Variants in BMP7 observed in about 807,000 individuals in gnomAD.
BMP7 encodes bone morphogenetic protein 7.
Under a neutral mutation model 41.2 loss-of-function variants are expected in BMP7, and 12 were observed. That is an observed-to-expected ratio of 0.29 (90% CI 0.19 to 0.47). The LOEUF (loss-of-function observed/expected upper bound fraction) is 0.47. BMP7 is among the 20% of genes least tolerant of loss of function. The pLI, the probability that BMP7 is intolerant of heterozygous loss-of-function variation, is 0.99. For synonymous variants in BMP7, 248 were observed against 250.0 expected, an observed-to-expected ratio of 0.99 and a Z score of 0.07; for missense variants, 467 against 606.0, an observed-to-expected ratio of 0.77 and a Z score of 2.41.
chr20:57,214,562 C>T lies in BMP7; in HGVS notation c.612-11939G>A, dbSNP rs981079128. On this transcript the variant is annotated intron_variant, in intron 2 of 6. Transcript: ENST00000395863. This position sits in a 1 kb window ranked among gnomAD's most constrained non-coding sequence, Gnocchi z 4.0. ...TCCCACCCAGCCCTCCTCATCTGTG[C>T]CAGTCTCCAGCCCACCACAGCCCCT... Among the ~76,000 whole-genome samples, 2 of 151,916 alleles carry T rather than the reference C, an allele frequency of 1.3e-5. No homozygotes were observed. Among genetic ancestry groups the T allele is most frequent in the Non-Finnish European group, 2.9e-5 (2 of 67,950 alleles).
chr20:57,196,020 C>A (rs1984483143), intron 3 of BMP7, among the ~76,000 whole-genome samples: 1 of 152,266 alleles, frequency 6.6e-6, no homozygotes, highest in African/African-American at 2.4e-5. Flanking sequence ...CAGACAAGGG[C>A]TCCCCGATCA....
chr20:57,212,882 G>A (rs968869642), intron 2 of BMP7, among the ~76,000 whole-genome samples: 7 of 152,206 alleles, frequency 4.6e-5, no homozygotes, highest in African/African-American at 1.7e-4. Flanking sequence ...CCGGGCCCCA[G>A]GCTCCCCCAC....
chr20:57,199,971 T>C (rs1984584087), intron 3 of BMP7, among the ~76,000 whole-genome samples: 1 of 152,126 alleles, frequency 6.6e-6, no homozygotes, highest in Admixed American at 6.5e-5. Context: ...GATCTGACTC[T>C]AGATAGCAAC....
intron 1 of BMP7, among the ~76,000 whole-genome samples, chr20:57,253,819 C>G (rs6025467): frequency 0.044 from 6,680 of 152,038 alleles, 477 homozygotes; most frequent in African/African-American, 0.15. Flanking sequence ...ACTTGAGTAC[C>G]CTTCACCCAG....
At chr20:57,209,935 AG>A (rs1339184574) in intron 2 of BMP7, among the ~76,000 whole-genome samples, 4 of 152,186 alleles carry the variant, frequency 2.6e-5, no homozygotes, top group Admixed American at 2.6e-4. Context: ...AACCTAGGTG[AG>A]GGGGCAAGCC....
At position 57,173,557 on chromosome 20, in the gene BMP7, T is replaced by C. The variant is rs1377360455; in HGVS notation, c.1036-247A>G. On this transcript the variant is annotated intron_variant, in intron 5 of 6. Coordinates refer to ENST00000395863, the MANE Select transcript of BMP7 (RefSeq NM_001719.3). ...TATAGTCCAAGCTTAGTAGACTGAG[T>C]GGGAAGACGGCTCAAAGCTGCGGTG... 5.1e-6 allele frequency: 3 copies of C among 589,848 alleles called. No individual in the cohort carries two copies. In the East Asian group the frequency reaches 8.6e-5, roughly 17 times the overall value. The allele number at this position is 589,848 out of a possible 1,614,324, so 36.5% of individuals were successfully genotyped here. A position where few individuals can be genotyped will look rare whatever the true frequency, so the allele number is the denominator to read the frequency against.
chr20:57,262,934 C>T (rs1277683254), intron 1 of BMP7, among the ~76,000 whole-genome samples: 2 of 152,192 alleles, frequency 1.3e-5, no homozygotes, highest in Admixed American at 1.3e-4. Context: ...TACACCTCCC[C>T]CCAACCCTCT....
At chr20:57,250,931 G>T (rs1033150569) in intron 1 of BMP7, among the ~76,000 whole-genome samples, 23 of 152,182 alleles carry the variant, frequency 1.5e-4, no homozygotes, top group Admixed American at 1.4e-3. Context: ...AGGTATCATC[G>T]CAAAGAGAAG....
At chr20:57,211,073 G>A (rs760356928) in intron 2 of BMP7, among the ~76,000 whole-genome samples, 1 of 152,198 alleles carries the variant, frequency 6.6e-6, no homozygotes. Flanking sequence ...TGGAAGGGCC[G>A]CATGTGGAAT....
At chr20:57,265,580 G>A in intron 1 of BMP7, 125 bp downstream of exon 1, 5 of 1,429,774 alleles carry the variant, frequency 3.5e-6, no homozygotes, top group Non-Finnish European at 4.8e-6. Context: ...AGACCCTCGG[G>A]CAGGCACTGC....
intron 4 of BMP7, among the ~76,000 whole-genome samples, chr20:57,176,429 A>G (rs1983923360): frequency 1.3e-5 from 2 of 152,234 alleles, no homozygotes; most frequent in South Asian, 4.1e-4. Flanking sequence ...ACCCATCCCA[A>G]CTGGCTGCCC....
At chr20:57,221,523 G>C (rs1012814564) in intron 2 of BMP7, among the ~76,000 whole-genome samples, 1 of 152,156 alleles carries the variant, frequency 6.6e-6, no homozygotes, top group Non-Finnish European at 1.5e-5. Context: ...CTGTGAAAGA[G>C]GGTGTGGGAG....
At chr20:57,218,427 G>GGTAGCTGGTGTTTGTTTGGT (rs1205934508) in intron 2 of BMP7, among the ~76,000 whole-genome samples, 1,648 of 152,200 alleles carry the variant, frequency 0.011, 12 homozygotes, top group Middle Eastern at 0.027. Context: ...TTTGTTTGGT[G>GGTAGCTGGTGTTTGTTTGGT]GTAGCTGGTG....
At chr20:57,257,376 A>G (rs1441459727) in intron 1 of BMP7, among the ~76,000 whole-genome samples, 1 of 152,180 alleles carries the variant, frequency 6.6e-6, no homozygotes, top group Non-Finnish European at 1.5e-5. Context: ...TAATTAAATT[A>G]TATTAAAATT....
chr20:57,199,742 C>T (rs2123086520), intron 3 of BMP7, among the ~76,000 whole-genome samples: 1 of 152,346 alleles, frequency 6.6e-6, no homozygotes, highest in Middle Eastern at 3.4e-3. Context: ...ACACAGCCAA[C>T]TGGCCATTAT....
chr20:57,235,354 C>T (rs893021073), intron 1 of BMP7, among the ~76,000 whole-genome samples: 2 of 152,148 alleles, frequency 1.3e-5, no homozygotes, highest in African/African-American at 2.4e-5. Context: ...TTGGTGAACA[C>T]GTGTCCACTG....
intron 1 of BMP7, among the ~76,000 whole-genome samples, chr20:57,243,510 G>A (rs1050310586): frequency 5.3e-5 from 8 of 152,028 alleles, no homozygotes; most frequent in East Asian, 1.9e-4. Context: ...ATGAAATGGC[G>A]TTCCCAGTGT....
chr20:57,202,516 C>A lies in BMP7; in HGVS notation c.719G>T (p.Arg240Leu), dbSNP rs202084512. The stretch of plus-strand genomic sequence containing the variant: ...CGAGAGCTGCAGGCCCAGGTTGTGC[C>A]GCGGATTGACCACCCAGTGGTTGCT... ...ATSNHWVVNP[R>L]HNLGLQLSVE... Residue 240 changes from arginine (R) to leucine (L), a missense_variant, in exon 3 of 7, where the codon CGG becomes CTG. Physicochemically the swap from Arg to Leu is moderately radical, Grantham distance 102. Coordinates refer to ENST00000395863, the MANE Select transcript of BMP7 (RefSeq NM_001719.3). 6.2e-7 allele frequency: 1 copy of A among 1,609,468 alleles called. No individual in the cohort carries two copies. The highest frequency in any genetic ancestry group is 8.5e-7 in the Non-Finnish European group (1 of 1,179,866).
In BMP7 at chr20:57,215,306, A is replaced by C. The variant is rs1362072123; in HGVS notation, c.612-12683T>G. 6.6e-6 allele frequency among the ~76,000 whole-genome samples: 1 copy of C among 152,196 alleles called. No individual in the cohort carries two copies. The highest frequency in any genetic ancestry group is 1.5e-5 in the Non-Finnish European group (1 of 68,038). On this transcript the variant is annotated intron_variant, in intron 2 of 6. Transcript: ENST00000395863. The surrounding 1 kb of genome is among the most constrained non-coding windows in gnomAD (Gnocchi z 4.2). ...TTGAGTGCCCCCATTTACTGTCCCC[A>C]TCACCTCTTCGGAGCCACCTCCTTT...
Sources: gnomAD v4.1 joint callset for allele counts (sites outside exome capture counted in the v4.1 genomes callset) on GRCh38, gnomAD v4.1.1 for gene constraint, Gnocchi (gnomAD v3.1) non-coding constraint, MANE v1.5 for transcripts, NCBI Gene and HGNC (gene_info 2026-07-23, HGNC 2026-07-21) for gene names.